SVOPL: variants seen among roughly 807,000 people sequenced by gnomAD.
SVOPL encodes the protein SVOP like.
In SVOPL, 60 loss-of-function variants were observed where a neutral mutation model predicts 61.0. The observed-to-expected ratio is 0.98, with a 90% CI of 0.80 to 1.22. SVOPL has a LOEUF of 1.22. Ranked by LOEUF, SVOPL falls within the 50% of genes most tolerant of loss-of-function variation. The pLI, the probability that SVOPL is intolerant of heterozygous loss-of-function variation, is 0.00. For synonymous variants in SVOPL, 279 were observed against 250.0 expected (o/e 1.12, Z -1.09); for missense variants, 662 against 643.9 (o/e 1.03, Z -0.30).
At chr7:138,620,443 C>G (rs1405613144) in intron 14 of SVOPL, among the ~76,000 whole-genome samples, 1 of 61,590 alleles carries the variant, frequency 1.6e-5, no homozygotes, top group Non-Finnish European at 3.1e-5. Context: ...TTCTTTGCAG[C>G]CAAAAAAAAA....
intron 14 of SVOPL, among the ~76,000 whole-genome samples, chr7:138,620,444 CAAAAAAAAAAA>C (rs3080386): frequency 4.6e-5 from 4 of 87,304 alleles, no homozygotes; most frequent in South Asian, 4.2e-4. Flanking sequence ...TCTTTGCAGC[CAAAAAAAAAAA>C]AAAAAAAAGA....
intron 9 of SVOPL, among the ~76,000 whole-genome samples, chr7:138,641,993 T>C (rs532717081): frequency 6.6e-6 from 1 of 150,828 alleles, no homozygotes. Context: ...TTTTAAACAC[T>C]CTTGTGACAT....
intron 9 of SVOPL, among the ~76,000 whole-genome samples, chr7:138,635,270 C>CAA (rs112228411): frequency 0.069 from 9,564 of 138,192 alleles, 345 homozygotes; most frequent in South Asian, 0.13. Flanking sequence ...AAAACTGTCT[C>CAA]AAAAAAAAAA....
intron 14 of SVOPL, among the ~76,000 whole-genome samples, chr7:138,603,499 C>A (rs1449034323): frequency 6.6e-6 from 1 of 152,116 alleles, no homozygotes; most frequent in African/African-American, 2.4e-5. Context: ...GCCTGGCCAA[C>A]ACAGTGAAAC....
At chr7:138,687,228 CTTTTTTT>C (rs71179722) in intron 1 of SVOPL, among the ~76,000 whole-genome samples, 50 of 77,046 alleles carry the variant, frequency 6.5e-4, no homozygotes, top group Admixed American at 4.5e-3. Flanking sequence ...CTTTTTTCCT[CTTTTTTT>C]TTTTTTTTTT....
intron 14 of SVOPL, among the ~76,000 whole-genome samples, chr7:138,605,044 G>A (rs535528541): frequency 3.3e-5 from 5 of 151,598 alleles, no homozygotes; most frequent in African/African-American, 7.3e-5. Flanking sequence ...AATGAGCCCT[G>A]AGCTCTAAAA....
chr7:138,605,972 A>G (rs998165859), intron 14 of SVOPL, among the ~76,000 whole-genome samples: 6 of 151,118 alleles, frequency 4.0e-5, no homozygotes, highest in African/African-American at 1.5e-4. Context: ...AAATAGTTGA[A>G]TACAAATAAA....
At chr7:138,629,949 TTA>T in intron 10 of SVOPL, 98 bp downstream of exon 10, 1 of 889,334 alleles carries the variant, frequency 1.1e-6, no homozygotes, top group South Asian at 1.5e-5. Flanking sequence ...GGAGTTAGTC[TTA>T]TGTTTTTCTC....
chr7:138,642,603 G>A (rs1365653287), intron 9 of SVOPL, among the ~76,000 whole-genome samples: 1 of 151,932 alleles, frequency 6.6e-6, no homozygotes, highest in African/African-American at 2.4e-5. Flanking sequence ...GAGGTGGGCA[G>A]ATCTCTTGAG....
intron 9 of SVOPL, among the ~76,000 whole-genome samples, chr7:138,632,010 G>T (rs1800226502): frequency 7.8e-6 from 1 of 128,808 alleles, no homozygotes; most frequent in Admixed American, 8.3e-5. Context: ...ACCCCACCTG[G>T]TTCTAAGCAT....
intron 14 of SVOPL, among the ~76,000 whole-genome samples, chr7:138,609,452 C>T (rs1266822598): frequency 6.7e-6 from 1 of 149,378 alleles, no homozygotes; most frequent in Non-Finnish European, 1.5e-5. Flanking sequence ...TCAAGCCCAG[C>T]CTCCAACCTG....
At chr7:138,601,778 A>T (rs559391158) in intron 14 of SVOPL, among the ~76,000 whole-genome samples, 1 of 152,310 alleles carries the variant, frequency 6.6e-6, no homozygotes, top group East Asian at 1.9e-4. Flanking sequence ...TTTTCTACAG[A>T]ATTCTGCTTT....
In SVOPL at chr7:138,621,046, C is replaced by G; in HGVS notation, c.1353G>C (p.Gln451His). The change falls in exon 14 of 16, where the codon CAG becomes CAC. Residue 451 changes from glutamine (Q) to histidine (H), a missense_variant and splice_region_variant. By Grantham distance (24) the Gln-to-His change is conservative (BLOSUM62 0). Coordinates refer to ENST00000674285, the MANE Select transcript of SVOPL (RefSeq NM_001139456.2). ...IGAMVAPFIS[Q>H]VLMSASILGA... ...CTCCCTGCAGGGTCCTTGGCTGTACCTGGGATATAAATGGTGCCACCATTG... is the reference window on the plus strand; with the variant it reads ...CTCCCTGCAGGGTCCTTGGCTGTACGTGGGATATAAATGGTGCCACCATTG... The G allele has an allele frequency of 1.2e-6, 2 of 1,613,464 alleles. No individual in the cohort carries two copies. Among genetic ancestry groups the G allele is most frequent in the Non-Finnish European group, 1.7e-6 (2 of 1,179,728 alleles).
At chr7:138,618,672 A>AAG (rs1254563067) in intron 14 of SVOPL, among the ~76,000 whole-genome samples, 1 of 151,186 alleles carries the variant, frequency 6.6e-6, no homozygotes, top group Non-Finnish European at 1.5e-5. Flanking sequence ...GAGAGCACGC[A>AAG]AGAGTGAGAG....
Position 138,663,145 on chromosome 7 carries a change from T to C in SVOPL, c.274A>G (p.Met92Val), listed in dbSNP as rs1362953877. The C allele has an allele frequency of 1.9e-6, 3 of 1,613,646 alleles. No homozygotes were observed. The highest frequency in any genetic ancestry group is 2.5e-6 in the Non-Finnish European group (3 of 1,179,882). ...ENWQVALVTT[M>V]VFFGYMVFSI... The stretch of plus-strand genomic sequence containing the variant: ...AAAACCATGTAGCCAAAAAACACCA[T>C]CTGCAAGTGGGAGCGAGATAAAACG... The change falls in exon 5 of 16, where the codon ATG (methionine) becomes GTG (valine). Residue 92 changes from methionine (M) to valine (V), a missense_variant and splice_region_variant. Transcript: ENST00000674285.
chr7:138,637,477 TATAGATATAG>T (rs1800547423), intron 9 of SVOPL, among the ~76,000 whole-genome samples: 1 of 19,576 alleles, frequency 5.1e-5, no homozygotes, highest in African/African-American at 1.2e-4. Flanking sequence ...TAGATATAGA[TATAGATATAG>T]ATAGATATAT....
At chr7:138,608,598 G>A (rs1159070477) in intron 14 of SVOPL, among the ~76,000 whole-genome samples, 2 of 152,132 alleles carry the variant, frequency 1.3e-5, no homozygotes, top group African/African-American at 4.8e-5. Context: ...TCAGAATCTG[G>A]GTTGCATTCA....
At chr7:138,676,413 G>A (rs1010376955) in intron 3 of SVOPL, among the ~76,000 whole-genome samples, 2 of 152,188 alleles carry the variant, frequency 1.3e-5, no homozygotes, top group African/African-American at 2.4e-5. Context: ...TGCCCGGAGA[G>A]GACCTACTCC....
chr7:138,687,806 A>AT (rs2117135385), intron 1 of SVOPL, among the ~76,000 whole-genome samples: 2 of 150,450 alleles, frequency 1.3e-5, no homozygotes, highest in South Asian at 4.3e-4. Flanking sequence ...AAGAAAATCT[A>AT]ATTTTTTTTT....
Sources: allele counts gnomAD v4.1 joint callset (sites outside exome capture counted in the v4.1 genomes callset), GRCh38; gene constraint gnomAD v4.1.1; transcripts MANE v1.5; gene names NCBI Gene and HGNC (gene_info 2026-07-23, HGNC 2026-07-21).